SNX2: variants seen among roughly 807,000 people sequenced by gnomAD.
SNX2 encodes the protein sorting nexin-2.
A neutral mutation model predicts 69.9 loss-of-function variants in SNX2; 25 were observed. The ratio of observed to expected loss-of-function variants is 0.36; its 90% CI spans 0.26 to 0.50. The LOEUF (loss-of-function observed/expected upper bound fraction) is 0.50. SNX2 is among the 20% of genes least tolerant of loss of function. The pLI is 0.97. For synonymous variants in SNX2, 229 were observed against 200.4 expected (o/e 1.14, Z -1.20); for missense variants, 551 against 613.3 (o/e 0.90, Z 1.07).
intron 11 of SNX2, among the ~76,000 whole-genome samples, chr5:122,823,512 G>A (rs1311926016): frequency 6.6e-6 from 1 of 152,154 alleles, no homozygotes; most frequent in African/African-American, 2.4e-5. Flanking sequence ...GGAAAAGCCG[G>A]TTGATGTATA....
intron 6 of SNX2, among the ~76,000 whole-genome samples, chr5:122,805,213 C>T (rs533487007): frequency 1.0e-3 from 154 of 148,434 alleles, no homozygotes; most frequent in Non-Finnish European, 1.8e-3. Context: ...ATTGCTTGAA[C>T]TGGGGAGGCA....
intron 14 of SNX2, among the ~76,000 whole-genome samples, chr5:122,828,716 A>G (rs1754213468): frequency 6.6e-6 from 1 of 152,188 alleles, no homozygotes; most frequent in Non-Finnish European, 1.5e-5. Flanking sequence ...GAACTCCATT[A>G]TTTTACATCA....
At chr5:122,828,505 T>A (rs1321778383) in intron 14 of SNX2, among the ~76,000 whole-genome samples, 1 of 152,110 alleles carries the variant, frequency 6.6e-6, no homozygotes, top group Non-Finnish European at 1.5e-5. Flanking sequence ...TTTTTTTTTC[T>A]TGTTCAGTAT....
intron 7 of SNX2, 79 bp from the exon 8 acceptor site, chr5:122,815,817 A>G: frequency 1.4e-6 from 1 of 701,872 alleles, no homozygotes; most frequent in Non-Finnish European, 2.4e-6. Context: ...TTTTCCTAGT[A>G]TTTCTATTTT....
intron 6 of SNX2, among the ~76,000 whole-genome samples, chr5:122,806,210 A>T (rs1370526532): frequency 2.6e-5 from 4 of 151,568 alleles, no homozygotes; most frequent in Admixed American, 1.3e-4. Context: ...TACAGATAAT[A>T]CAGTTTATAT....
intron 11 of SNX2, among the ~76,000 whole-genome samples, chr5:122,820,379 T>G (rs1229672022): frequency 6.6e-6 from 1 of 151,922 alleles, no homozygotes; most frequent in Non-Finnish European, 1.5e-5. Context: ...CTACTAAAAA[T>G]ACAAAAATCA....
chr5:122,798,126 T>C (rs1443550394), intron 2 of SNX2, among the ~76,000 whole-genome samples: 1 of 152,120 alleles, frequency 6.6e-6, no homozygotes, highest in African/African-American at 2.4e-5. Flanking sequence ...TTGCTTATTG[T>C]TGTAAATATC....
At chr5:122,802,653 G>A (rs141463881) in intron 5 of SNX2, among the ~76,000 whole-genome samples, 1 of 152,212 alleles carries the variant, frequency 6.6e-6, no homozygotes, top group East Asian at 1.9e-4. Context: ...GAATTGGGAG[G>A]GTCAAAGTAG....
Position 122,818,927 on chromosome 5 carries a change from G to C in SNX2, c.1116G>C (p.Glu372Asp), listed in dbSNP as rs540992479. Reference sequence around the variant, plus strand: ...TGTCTCAGCTTGCAGAGGTTGAGGAGAAGATAGACCAGTTACATCAAGAAC... The same window carrying C: ...TGTCTCAGCTTGCAGAGGTTGAGGACAAGATAGACCAGTTACATCAAGAAC... ...RALSQLAEVE[E>D]KIDQLHQEQA... The change falls in exon 11 of 15, where the codon GAG (glutamate) becomes GAC (aspartate). Residue 372 changes from glutamate to aspartate, a missense_variant. Physicochemically the swap from Glu to Asp is conservative, Grantham distance 45. Around this residue, in one of 2 missense-constraint regions of SNX2, gnomAD observed 360 missense variants for 450.4 expected, o/e 0.80. Transcript: ENST00000379516. 1 of 1,613,920 alleles carries C rather than the reference G, an allele frequency of 6.2e-7. No homozygotes were observed. Among genetic ancestry groups the C allele is most frequent in the East Asian group, 2.2e-5 (1 of 44,856 alleles).
chr5:122,791,761 G>C (rs910674561), intron 1 of SNX2, among the ~76,000 whole-genome samples: 10 of 152,284 alleles, frequency 6.6e-5, no homozygotes, highest in Middle Eastern at 3.4e-3. Context: ...ACAAACTTGT[G>C]GTTAATTCTT....
At chr5:122,827,265 C>T (rs1754170208) in intron 12 of SNX2, 114 bp from the exon 13 acceptor site, 5 of 792,688 alleles carry the variant, frequency 6.3e-6, no homozygotes, top group Non-Finnish European at 1.0e-5. Flanking sequence ...TGTGCATTGC[C>T]AATATTGAGC....
chr5:122,832,823 A>G lies in SNX2; in HGVS notation c.*3175A>G, dbSNP rs1174497140. The stretch of plus-strand genomic sequence containing the variant: ...GGGATGTTACTTCAGTTTTCTTGTC[A>G]TGGCTCCCTGCATGGGCAGTCATGT... On this transcript the variant is annotated 3_prime_UTR_variant, in exon 15 of 15. Transcript: ENST00000379516. 6.6e-6 allele frequency: 1 copy of G among 152,204 alleles called. No individual in the cohort carries two copies. The highest frequency in any genetic ancestry group is 6.5e-5 in the Admixed American group (1 of 15,274). The allele number at this position is 152,204 out of a possible 1,614,324, so 9.4% of individuals were successfully genotyped here.
rs58159922 is a variant in SNX2 at position 122,831,009 on chromosome 5, CAAAAAAAA to C, written c.*1378_*1385del. On this transcript the variant is annotated 3_prime_UTR_variant, in exon 15 of 15. Transcript: ENST00000379516. ...AGGCAACAAAAGCAAAACTCCATCT[CAAAAAAAA>C]AAAAAAAAAAAAAAAAGATGACTGG... Among the ~76,000 whole-genome samples the C allele has an allele frequency of 2.9e-4, 18 of 63,008 alleles. 1 individual carries two copies. The highest frequency in any genetic ancestry group is 1.0e-3 in the East Asian group (2 of 1,962). 41.3% of individuals were successfully genotyped at this position (63,008 alleles called of 152,430 possible).
At chr5:122,826,345 C>A in intron 12 of SNX2, 152 bp downstream of exon 12, 1 of 658,882 alleles carries the variant, frequency 1.5e-6, no homozygotes, top group Non-Finnish European at 2.3e-6. Context: ...ACATTTTGAT[C>A]ATTATTATTA....
At chr5:122,784,978 G>T (rs1423997312) in intron 1 of SNX2, among the ~76,000 whole-genome samples, 1 of 152,180 alleles carries the variant, frequency 6.6e-6, no homozygotes, top group Non-Finnish European at 1.5e-5. Context: ...TTCAGTCTCA[G>T]TTGTGAAATT....
chr5:122,804,196 T>A (rs1438604688), intron 6 of SNX2, among the ~76,000 whole-genome samples: 1 of 152,108 alleles, frequency 6.6e-6, no homozygotes, highest in East Asian at 1.9e-4. Context: ...GGTCACTAGA[T>A]TACCATTTTA....
At position 122,829,803 on chromosome 5, in the gene SNX2, CACACACA is replaced by C; in HGVS notation, c.*156_*162del. 1 of 595,910 alleles carries C rather than the reference CACACACA, an allele frequency of 1.7e-6. No homozygotes were observed. Among genetic ancestry groups the C allele is most frequent in the Non-Finnish European group, 3.0e-6 (1 of 331,412 alleles). 36.9% of individuals were successfully genotyped at this position (595,910 alleles called of 1,614,324 possible). A position where few individuals can be genotyped will look rare whatever the true frequency, so the allele number is the denominator to read the frequency against. On this transcript the variant is annotated 3_prime_UTR_variant, in exon 15 of 15. Transcript: ENST00000379516. ...ACACACACACACACACACACACACA[CACACACA>C]CTCTGACATTTTATTACAAGCTGCA... is the stretch of plus-strand genomic sequence containing the variant.
intron 8 of SNX2, 80 bp downstream of exon 8, chr5:122,816,051 ATAAT>A (rs1336579291): frequency 3.1e-6 from 2 of 639,476 alleles, no homozygotes; most frequent in Non-Finnish European, 5.1e-6. Context: ...TATATAGTAA[ATAAT>A]TGAGTTAATA....
chr5:122,783,224 C>T (rs537123443), intron 1 of SNX2, among the ~76,000 whole-genome samples: 17 of 152,080 alleles, frequency 1.1e-4, no homozygotes, highest in Non-Finnish European at 1.9e-4. Context: ...GGATTATAGG[C>T]GTGAGCCACC....
Sources: allele counts gnomAD v4.1 joint callset (sites outside exome capture counted in the v4.1 genomes callset), GRCh38; gene constraint gnomAD v4.1.1; regional missense constraint gnomAD v4.1.1; transcripts MANE v1.5; gene names NCBI Gene and HGNC (gene_info 2026-07-23, HGNC 2026-07-21).